The following SETD1B variants were observed in gnomAD, a reference collection of about 807,000 sequenced individuals.
SETD1B encodes histone-lysine N-methyltransferase SETD1B.
SETD1B carries 7 observed loss-of-function variants against 148.0 expected under a neutral mutation model. The ratio of observed to expected loss-of-function variants is 0.05; its 90% CI spans 0.03 to 0.09. The LOEUF (loss-of-function observed/expected upper bound fraction) is 0.09, where lower values mean the gene tolerates loss of function less well. SETD1B is among the 10% of genes least tolerant of loss of function. The probability of loss-of-function intolerance (pLI) is 1.00; values close to 1 mark genes in which losing one functional copy is unlikely to be tolerated. For missense variants in SETD1B, 2,155 were observed against 2,729.9 expected (o/e 0.79, Z 4.69); for synonymous variants, 1,361 against 1,186.5 (o/e 1.15, Z -3.02).
chr12:121,819,321 T>C (rs1334202192), intron 10 of SETD1B, 83 bp from the exon 11 acceptor site: 1 of 1,532,126 alleles, frequency 6.5e-7, no homozygotes, highest in African/African-American at 1.4e-5. Context: ...GTGCCACCAG[T>C]TTGAGGCCAT....
In SETD1B at chr12:121,823,330, C is replaced by G; in HGVS notation, c.4751C>G (p.Pro1584Arg). The G allele has an allele frequency of 6.9e-7, 1 of 1,444,016 alleles. No individual in the cohort carries two copies. Among genetic ancestry groups the G allele is most frequent in the Non-Finnish European group, 9.4e-7 (1 of 1,059,752 alleles). The allele number at this position is 1,444,016 out of a possible 1,614,324, so 89.5% of individuals were successfully genotyped here. The change falls in exon 12 of 17, where the codon CCA (proline) becomes CGA (arginine). Residue 1584 changes from proline to arginine, a missense_variant. Transcript: ENST00000604567. Reference protein sequence around the residue: ...FRNAGIPAPPPPLPPQPPPPP... With the variant: ...FRNAGIPAPPRPLPPQPPPPP... ...AACGCGGGGATCCCAGCCCCTCCAC[C>G]ACCCCTTCCCCCCCAGCCACCCCCA...
chr12:121,825,208 C>G lies in SETD1B; in HGVS notation c.5179C>G (p.Leu1727Val). 1 of 1,551,550 alleles carries G rather than the reference C, an allele frequency of 6.4e-7. No individual in the cohort carries two copies. The highest frequency in any genetic ancestry group is 8.7e-7 in the Non-Finnish European group (1 of 1,146,984). ...CCTTGACCCACACCCACCCACCAGC[C>G]TCTCTTCAGCTAAGAAGAAGAAACG... The part of the protein sequence containing the change: ...TLWVYHPSTS[L>V]SSAKKKKRDD... The change falls in exon 13 of 17, where the codon CTC becomes GTC. Residue 1727 changes from leucine (L) to valine (V), a missense_variant. By Grantham distance (32) the Leu-to-Val change is conservative. This residue lies in a region of SETD1B where 96 missense variants were observed against 148.7 expected (regional missense o/e 0.65). Coordinates refer to ENST00000604567, the MANE Select transcript of SETD1B (RefSeq NM_001353345.2).
At chr12:121,803,807 G>A (rs1011704649), upstream of SETD1B, 1 of 151,932 alleles carries the variant, frequency 6.6e-6, no homozygotes, top group Non-Finnish European at 1.5e-5. The surrounding 1 kb of genome is among the most constrained non-coding windows in gnomAD (Gnocchi z 4.7). Context: ...TAAATTAAAA[G>A]GCCTTCCCCC....
At chr12:121,799,316 G>A (rs1875178780), upstream of SETD1B, 2 of 152,254 alleles carry the variant, frequency 1.3e-5, no homozygotes, top group South Asian at 4.1e-4. Flanking sequence ...TTCGGGGACT[G>A]GAGAAGAAAA....
chr12:121,823,337 T>TGGGCC lies in SETD1B; in HGVS notation c.4758_4759insGGGCC (p.Pro1587GlyfsTer15). 1 of 809,434 alleles carries TGGGCC rather than the reference T, an allele frequency of 1.2e-6. No individual in the cohort carries two copies. Among genetic ancestry groups the TGGGCC allele is most frequent in the Non-Finnish European group, 1.8e-6 (1 of 560,520 alleles). 50.1% of individuals were successfully genotyped at this position (809,434 alleles called of 1,614,324 possible). ...GGATCCCAGCCCCTCCACCACCCCTTCCCCCCCAGCCACCCCCACCCCCAC... is the reference window on the plus strand; with the variant it reads ...GGATCCCAGCCCCTCCACCACCCCTTGGGCCCCCCCCCAGCCACCCCCACCCCCAC... On this transcript the variant is annotated frameshift_variant, in exon 12 of 17. Coordinates refer to ENST00000604567, the MANE Select transcript of SETD1B (RefSeq NM_001353345.2). LOFTEE classifies it high-confidence loss of function.
In SETD1B at chr12:121,819,504, A is replaced by G. The variant is rs917751996; in HGVS notation, c.3519A>G (p.Ser1173=). Residue 1173 remains serine, a synonymous_variant, in exon 11 of 17, where the codon TCA becomes TCG. Transcript: ENST00000604567. Reference sequence around the variant, plus strand: ...AGTCAAGCTCCGAGTCCTCGCCCTCATCCTCGGAGGATGAGGAGGAGGTAG... The same window carrying G: ...AGTCAAGCTCCGAGTCCTCGCCCTCGTCCTCGGAGGATGAGGAGGAGGTAG... ...EFESSSESSP[S]SSEDEEEVVA... 4 of 1,552,158 alleles carry G rather than the reference A, an allele frequency of 2.6e-6. 1 individual carries two copies. In the Admixed American group the frequency reaches 5.9e-5, roughly 23 times the overall value.
At position 121,830,320 on chromosome 12, in the gene SETD1B, C is replaced by T; in HGVS notation, c.*81C>T. ...GAGCCCCTGGCCCCGGGGCCCGGCC[C>T]CCCGCGCCCGCCCCCATTTCAGGTG... On this transcript the variant is annotated 3_prime_UTR_variant, in exon 17 of 17. Transcript: ENST00000604567. This position sits in a 1 kb window ranked among gnomAD's most constrained non-coding sequence, Gnocchi z 5.7. The T allele has an allele frequency of 7.3e-7, 1 of 1,376,348 alleles. No individual in the cohort carries two copies. Among genetic ancestry groups the T allele is most frequent in the East Asian group, 2.5e-5 (1 of 39,840 alleles). 85.3% of individuals were successfully genotyped at this position (1,376,348 alleles called of 1,614,324 possible). A position where few individuals can be genotyped will look rare whatever the true frequency, so the allele number is the denominator to read the frequency against.
intron 11 of SETD1B, among the ~76,000 whole-genome samples, chr12:121,821,790 A>G (rs1876579463): frequency 1.3e-5 from 2 of 152,072 alleles, no homozygotes; most frequent in Admixed American, 1.3e-4. Context: ...GAAAATGAAA[A>G]AGATGTATTC....
intron 10 of SETD1B, 102 bp from the exon 11 acceptor site, chr12:121,819,302 T>C (rs1876450352): frequency 1.3e-6 from 2 of 1,513,410 alleles, no homozygotes; most frequent in African/African-American, 2.8e-5. Flanking sequence ...AGGGCCGTGT[T>C]CAGCCTGGGT....
chr12:121,800,466 C>G (rs1330457128), upstream of SETD1B: 1 of 152,030 alleles, frequency 6.6e-6, no homozygotes, highest in East Asian at 1.9e-4. Context: ...GGGTCAGGGC[C>G]AGGCCGGTCC....
At position 121,817,681 on chromosome 12, in the gene SETD1B, T is replaced by C; in HGVS notation, c.3289T>C (p.Ser1097Pro). ...EVPRSQLSSSSTSSTSDKDDD... is the reference protein window; with the variant it reads ...EVPRSQLSSSPTSSTSDKDDD... ...CCCCAGGAGCCAGCTCTCCTCCTCC[T>C]CAACCTCATCCACATCAGATAAGGT... is the stretch of plus-strand genomic sequence containing the variant. Residue 1097 changes from serine (S) to proline (P), a missense_variant, in exon 9 of 17, where the codon TCA becomes CCA. Around this residue, in one of 11 missense-constraint regions of SETD1B, gnomAD observed 862 missense variants for 873.8 expected, o/e 0.99. Coordinates refer to ENST00000604567, the MANE Select transcript of SETD1B (RefSeq NM_001353345.2). The surrounding 1 kb of genome is among the most constrained non-coding windows in gnomAD (Gnocchi z 8.1). The C allele has an allele frequency of 1.3e-6, 2 of 1,549,746 alleles. No homozygotes were observed. The highest frequency in any genetic ancestry group is 2.4e-5 in the South Asian group (2 of 84,022).
chr12:121,813,287 A>G (rs1876128315), intron 6 of SETD1B, among the ~76,000 whole-genome samples: 1 of 151,494 alleles, frequency 6.6e-6, no homozygotes, highest in Non-Finnish European at 1.5e-5. Flanking sequence ...TGCAGTCACG[A>G]GACTAGGTGA....
At chr12:121,806,386 C>T (rs1875742336) in intron 4 of SETD1B, among the ~76,000 whole-genome samples, 1 of 152,176 alleles carries the variant, frequency 6.6e-6, no homozygotes, top group East Asian at 1.9e-4. Context: ...CCGCGGGCCC[C>T]CTCTCTGAGC....
chr12:121,818,214 G>A (rs1472198625), intron 10 of SETD1B, among the ~76,000 whole-genome samples: 1 of 152,198 alleles, frequency 6.6e-6, no homozygotes. Context: ...CCAGATCGAG[G>A]TGGTGGTTGT....
In SETD1B at chr12:121,823,591, C is replaced by T. The variant is rs1187734055; in HGVS notation, c.5012C>T (p.Pro1671Leu). 1.3e-6 allele frequency: 2 copies of T among 1,551,484 alleles called. No individual in the cohort carries two copies. The highest frequency in any genetic ancestry group is 3.9e-5 in the Admixed American group (2 of 50,998). Residue 1671 changes from proline to leucine, a missense_variant, in exon 12 of 17, where the codon CCC becomes CTC. By Grantham distance (98) the Pro-to-Leu change is moderately conservative (BLOSUM62 -3). This residue lies in a region of SETD1B where 862 missense variants were observed against 873.8 expected (regional missense o/e 0.99). Coordinates refer to ENST00000604567, the MANE Select transcript of SETD1B (RefSeq NM_001353345.2). ...TCGCCACCCCAGCCCCTCTTCCGGC[C>T]CCGCTCGGAGTTTGAGGAGATGACC... ...ELSPPQPLFR[P>L]RSEFEEMTIL...
At chr12:121,820,862 G>A (rs1046890479) in intron 11 of SETD1B, among the ~76,000 whole-genome samples, 1 of 152,164 alleles carries the variant, frequency 6.6e-6, no homozygotes, top group Non-Finnish European at 1.5e-5. Flanking sequence ...AGTCCTTCAG[G>A]AAAGGATTAC....
At chr12:121,812,646 G>T (rs1367487731) in intron 6 of SETD1B, among the ~76,000 whole-genome samples, 4 of 152,110 alleles carry the variant, frequency 2.6e-5, no homozygotes, top group Non-Finnish European at 5.9e-5. Context: ...GTGCCGCGGC[G>T]CGCTGTGCTC....
intron 7 of SETD1B, among the ~76,000 whole-genome samples, chr12:121,816,816 C>T (rs1340886316): frequency 2.6e-5 from 4 of 152,236 alleles, no homozygotes; most frequent in Admixed American, 6.5e-5. Flanking sequence ...TACAGTAGTC[C>T]TATTCTACAG....
chr12:121,822,961 C>A lies in SETD1B; in HGVS notation c.4382C>A (p.Pro1461His). 6.5e-7 allele frequency: 1 copy of A among 1,538,490 alleles called. No homozygotes were observed. Among genetic ancestry groups the A allele is most frequent in the Non-Finnish European group, 8.8e-7 (1 of 1,142,070 alleles). Reference sequence around the variant, plus strand: ...GGCCGACGCGATGAACGCTCCGGGCCCCTGGCCTCCCCGGTGCTCCTGGAG... The same window carrying A: ...GGCCGACGCGATGAACGCTCCGGGCACCTGGCCTCCCCGGTGCTCCTGGAG... ...PTGRRDERSG[P>H]LASPVLLETG... The change falls in exon 12 of 17, where the codon CCC becomes CAC. Residue 1461 changes from proline to histidine, a missense_variant. By Grantham distance (77) the Pro-to-His change is moderately conservative. Coordinates refer to ENST00000604567, the MANE Select transcript of SETD1B (RefSeq NM_001353345.2).
Sources: gnomAD v4.1 joint callset for allele counts (sites outside exome capture counted in the v4.1 genomes callset) on GRCh38, gnomAD v4.1.1 for gene constraint, gnomAD v4.1.1 regional missense constraint, Gnocchi (gnomAD v3.1) non-coding constraint, MANE v1.5 for transcripts, NCBI Gene and HGNC (gene_info 2026-07-23, HGNC 2026-07-21) for gene names.